The following MAP2 variants were observed in gnomAD, a reference collection of about 807,000 sequenced individuals.
MAP2 encodes microtubule-associated protein 2.
MAP2 carries 14 observed loss-of-function variants against 137.6 expected under a neutral mutation model. That is an observed-to-expected ratio of 0.10 (90% CI 0.07 to 0.16). The LOEUF is 0.16. Among genes scored for constraint, MAP2 ranks in the 10% least tolerant of loss-of-function variants. The pLI, the probability that MAP2 is intolerant of heterozygous loss-of-function variation, is 1.00. For missense variants in MAP2, 2,088 were observed against 2,191.5 expected, an observed-to-expected ratio of 0.95 and a Z score of 0.94; for synonymous variants, 786 against 782.3, an observed-to-expected ratio of 1.00 and a Z score of -0.08.
intron 5 of MAP2, among the ~76,000 whole-genome samples, chr2:209,672,528 T>C (rs528182651): frequency 3.3e-5 from 5 of 151,916 alleles, no homozygotes; most frequent in African/African-American, 1.2e-4. Context: ...AGATGTGGAA[T>C]CTGAAGGTTA....
At chr2:209,558,596 G>A (rs2071237812) in intron 2 of MAP2, among the ~76,000 whole-genome samples, 1 of 150,814 alleles carries the variant, frequency 6.6e-6, no homozygotes, top group Non-Finnish European at 1.5e-5. Flanking sequence ...ACTGTTATCA[G>A]AGCCAAGAAA....
intron 2 of MAP2, among the ~76,000 whole-genome samples, chr2:209,569,736 T>TA (rs2074076583): frequency 6.6e-6 from 1 of 151,878 alleles, no homozygotes; most frequent in South Asian, 2.1e-4. Flanking sequence ...CATAACATGA[T>TA]ATGGTGTTTT....
chr2:209,537,206 CAA>C (rs2066101358), intron 2 of MAP2, among the ~76,000 whole-genome samples: 1 of 152,100 alleles, frequency 6.6e-6, no homozygotes, highest in Non-Finnish European at 1.5e-5. Flanking sequence ...CACGATATTT[CAA>C]ACTTTTAAAT....
At chr2:209,631,741 ATCTT>A (rs1034591574) in intron 4 of MAP2, among the ~76,000 whole-genome samples, 2 of 152,156 alleles carry the variant, frequency 1.3e-5, no homozygotes, top group African/African-American at 2.4e-5. Context: ...TGAAGCAAAG[ATCTT>A]TCTATTTACT....
At chr2:209,648,788 CAAA>C (rs767514301) in intron 4 of MAP2, among the ~76,000 whole-genome samples, 87 of 80,500 alleles carry the variant, frequency 1.1e-3, no homozygotes, top group African/African-American at 3.7e-3. Context: ...GACTCCGTCT[CAAA>C]AAAAAAAAAA....
chr2:209,439,529 T>C (rs1697229512), intron 1 of MAP2, among the ~76,000 whole-genome samples: 1 of 151,526 alleles, frequency 6.6e-6, no homozygotes, highest in Non-Finnish European at 1.5e-5. Flanking sequence ...TTTTGTTTTG[T>C]TTTATTTTTG....
chr2:209,489,195 G>C (rs1377056183), intron 1 of MAP2, among the ~76,000 whole-genome samples: 1 of 152,136 alleles, frequency 6.6e-6, no homozygotes, highest in African/African-American at 2.4e-5. Context: ...TGCAGAAGAG[G>C]GACCTGACTG....
At chr2:209,549,861 C>G (rs1403884069) in intron 2 of MAP2, among the ~76,000 whole-genome samples, 4 of 152,162 alleles carry the variant, frequency 2.6e-5, no homozygotes, top group Non-Finnish European at 5.9e-5. Flanking sequence ...CACTTTAAAA[C>G]CAGCTCTAGC....
At chr2:209,507,405 C>T (rs567257831) in intron 1 of MAP2, among the ~76,000 whole-genome samples, 187 bp from the exon 2 acceptor site, 4 of 151,640 alleles carry the variant, frequency 2.6e-5, no homozygotes, top group South Asian at 4.2e-4. Context: ...AAATGTAGAA[C>T]GTATTTTTAA....
chr2:209,638,529 T>G (rs1402264397), intron 4 of MAP2, among the ~76,000 whole-genome samples: 3 of 152,264 alleles, frequency 2.0e-5, no homozygotes, highest in Middle Eastern at 3.4e-3. Context: ...CATACGTTAC[T>G]TATATATGAC....
intron 12 of MAP2, among the ~76,000 whole-genome samples, chr2:209,706,077 A>C (rs892907659): frequency 6.6e-6 from 1 of 152,208 alleles, no homozygotes; most frequent in African/African-American, 2.4e-5. Context: ...ACATACATCT[A>C]TAAAAGCTTA....
At chr2:209,628,708 C>G (rs2092673285) in intron 4 of MAP2, among the ~76,000 whole-genome samples, 1 of 152,190 alleles carries the variant, frequency 6.6e-6, no homozygotes, top group South Asian at 2.1e-4. Flanking sequence ...CAATGGCCAA[C>G]AAGATGCTAC....
In MAP2 at chr2:209,452,306, G is replaced by A. The variant is rs1194473148; in HGVS notation, c.-222+28030G>A. ...TTCTAGGAGCTATTTGGTTTCAGCAGCTTCTTCAAGGATGTAAAACCCACT... is the reference window on the plus strand; with the variant it reads ...TTCTAGGAGCTATTTGGTTTCAGCAACTTCTTCAAGGATGTAAAACCCACT... On this transcript the variant is annotated intron_variant, in intron 1 of 15. Coordinates refer to ENST00000682079, the MANE Select transcript of MAP2 (RefSeq NM_001375505.1). Among the ~76,000 whole-genome samples the A allele has an allele frequency of 2.0e-5, 3 of 152,242 alleles. No homozygotes were observed. In the East Asian group the frequency reaches 5.8e-4, roughly 29 times the overall value.
At chr2:209,534,691 T>C (rs1577367255) in intron 2 of MAP2, among the ~76,000 whole-genome samples, 1 of 152,326 alleles carries the variant, frequency 6.6e-6, no homozygotes, top group South Asian at 2.1e-4. Context: ...ACATAGAACA[T>C]AGAATTATAT....
At chr2:209,571,232 G>A (rs754549122) in intron 2 of MAP2, among the ~76,000 whole-genome samples, 19 of 151,570 alleles carry the variant, frequency 1.3e-4, no homozygotes, top group Admixed American at 1.1e-3. Flanking sequence ...TAAAACAATG[G>A]CACCATAATA....
chr2:209,431,479 G>A (rs11886253), intron 1 of MAP2, among the ~76,000 whole-genome samples: 4,417 of 152,208 alleles, frequency 0.029, 193 homozygotes, highest in African/African-American at 0.098. Context: ...TCACTGAAAA[G>A]GCATCAATTC....
At chr2:209,717,696 A>G (rs941811382) in intron 13 of MAP2, among the ~76,000 whole-genome samples, 1 of 152,202 alleles carries the variant, frequency 6.6e-6, no homozygotes, top group East Asian at 1.9e-4. Context: ...GATTGCAATG[A>G]ATCTTTTTCT....
chr2:209,455,664 G>C (rs1048679753), intron 1 of MAP2, among the ~76,000 whole-genome samples: 2 of 152,158 alleles, frequency 1.3e-5, no homozygotes, highest in Non-Finnish European at 2.9e-5. Context: ...AATATATGTA[G>C]AGCTGGATGA....
chr2:209,453,831 A>G (rs1235685339), intron 1 of MAP2, among the ~76,000 whole-genome samples: 1 of 152,066 alleles, frequency 6.6e-6, no homozygotes, highest in African/African-American at 2.4e-5. Context: ...ATGGCACTAT[A>G]TGATAACCTT....
Sources: allele counts gnomAD v4.1 joint callset (sites outside exome capture counted in the v4.1 genomes callset), GRCh38; gene constraint gnomAD v4.1.1; transcripts MANE v1.5; gene names NCBI Gene and HGNC (gene_info 2026-07-23, HGNC 2026-07-21).